DOCK8: variants seen among roughly 807,000 people sequenced by gnomAD.
DOCK8 encodes the protein dedicator of cytokinesis 8, also known as dedicator of cytokinesis protein 8.
A neutral mutation model predicts 245.6 loss-of-function variants in DOCK8; 141 were observed. The ratio of observed to expected loss-of-function variants is 0.57; its 90% confidence interval spans 0.50 to 0.66. The LOEUF (loss-of-function observed/expected upper bound fraction) is 0.66, where lower values mean the gene tolerates loss of function less well. Ranked by LOEUF, DOCK8 falls within the 30% of genes least tolerant of loss-of-function variation. The pLI, the probability that DOCK8 is intolerant of heterozygous loss-of-function variation, is 0.00. For missense variants in DOCK8, 2,965 were observed against 2,603.4 expected (o/e 1.14, Z -3.02); for synonymous variants, 1,168 against 970.2 (o/e 1.20, Z -3.79).
chr9:441,464 G>C, intron 41 of DOCK8, 47 bp downstream of exon 41: 1 of 1,613,108 alleles, frequency 6.2e-7, no homozygotes, highest in Non-Finnish European at 8.5e-7. Context: ...GGTGGCAGGC[G>C]ACCCTGTCCT....
Position 403,948 on chromosome 9 carries a change from A to C in DOCK8, c.3235-970A>C, listed in dbSNP as rs1268904308. On this transcript the variant is annotated intron_variant, in intron 26 of 47. Transcript: ENST00000432829. ...TATATATGTGTATATATATATGTGT[A>C]TATATATATATGTATATATATATAT... Among the ~76,000 whole-genome samples, 121 of 70,370 alleles carry C rather than the reference A, an allele frequency of 1.7e-3. 3 individuals carry two copies. The highest frequency in any genetic ancestry group is 2.2e-3 in the Admixed American group (15 of 6,770). 46.2% of individuals were successfully genotyped at this position (70,370 alleles called of 152,430 possible).
At chr9:373,298 A>G (rs1289945693) in intron 18 of DOCK8, among the ~76,000 whole-genome samples, 1 of 152,234 alleles carries the variant, frequency 6.6e-6, no homozygotes, top group African/African-American at 2.4e-5. Context: ...ATTTTGAAGT[A>G]AATCTCGGAC....
chr9:461,325 A>G (rs996971282), intron 46 of DOCK8, among the ~76,000 whole-genome samples: 2 of 151,998 alleles, frequency 1.3e-5, no homozygotes, highest in Non-Finnish European at 2.9e-5. Context: ...CTCATTTTCC[A>G]TTCCCTTGGA....
At position 340,323 on chromosome 9, in the gene DOCK8, T is replaced by TAAGA; in HGVS notation, c.1679+5_1679+8dup. 1 of 1,614,036 alleles carries TAAGA rather than the reference T, an allele frequency of 6.2e-7. No homozygotes were observed. The highest frequency in any genetic ancestry group is 8.5e-7 in the Non-Finnish European group (1 of 1,179,956). On this transcript the variant is annotated splice_region_variant and intron_variant, in intron 14 of 47. Transcript: ENST00000432829. ...ATATGTCCCTCACACTGTGTACAGG[T>TAAGA]AAGAAACACAGGCTCGGGCTGGGCG...
In DOCK8 at chr9:417,976, T is replaced by G. The variant is rs529175035; in HGVS notation, c.3701-92T>G. ...AGGTTTGAAATTACTGTGCTGACTT[T>G]AGTGACTGAGAAGTATCAGTCTCTT... On this transcript the variant is annotated intron_variant, in intron 29 of 47. Transcript: ENST00000432829. 7 of 1,538,398 alleles carry G rather than the reference T, an allele frequency of 4.6e-6. No individual in the cohort carries two copies. In the African/African-American group the frequency reaches 8.2e-5, roughly 18 times the overall value.
intron 1 of DOCK8, among the ~76,000 whole-genome samples, chr9:219,626 G>C (rs1002172299): frequency 1.2e-4 from 19 of 152,108 alleles, no homozygotes; most frequent in Admixed American, 1.2e-3. Flanking sequence ...GCTGGGCATG[G>C]TGGCTCACAC....
Position 317,107 on chromosome 9 carries a change from T to C in DOCK8, c.806T>C (p.Leu269Ser), listed in dbSNP as rs1458160141. Residue 269 changes from leucine (L) to serine (S), a missense_variant, in exon 7 of 48, where the codon TTG becomes TCG. By Grantham distance (145) the Leu-to-Ser change is moderately radical. Coordinates refer to ENST00000432829, the MANE Select transcript of DOCK8 (RefSeq NM_203447.4). ...CPKEHLGNRI[L>S]VKLLTLKFEI... ...AAGGAACACCTGGGCAACAGAATAT[T>C]GGTCAAGTTGCTGACCTTGAAGTAA... is the stretch of plus-strand genomic sequence containing the variant. 1.2e-6 allele frequency: 2 copies of C among 1,613,808 alleles called. No homozygotes were observed. The highest frequency in any genetic ancestry group is 8.5e-7 in the Non-Finnish European group (1 of 1,179,808).
chr9:305,119 T>C (rs541242032), intron 5 of DOCK8, among the ~76,000 whole-genome samples: 36 of 152,308 alleles, frequency 2.4e-4, no homozygotes, highest in African/African-American at 7.7e-4. Context: ...ATTAAACTTA[T>C]TGGGCTTCAG....
chr9:280,303 T>C (rs2048523251), intron 2 of DOCK8, among the ~76,000 whole-genome samples: 1 of 152,204 alleles, frequency 6.6e-6, no homozygotes. Flanking sequence ...TGAAAATTGC[T>C]TGAGGGAAGT....
At chr9:295,846 C>T (rs2049239464) in intron 4 of DOCK8, among the ~76,000 whole-genome samples, 1 of 152,130 alleles carries the variant, frequency 6.6e-6, no homozygotes, top group African/African-American at 2.4e-5. Flanking sequence ...CATCATTCTA[C>T]AGGGCATTTG....
intron 24 of DOCK8, among the ~76,000 whole-genome samples, chr9:394,466 C>T (rs1046919831): frequency 1.3e-5 from 2 of 152,222 alleles, no homozygotes; most frequent in African/African-American, 4.8e-5. Flanking sequence ...AGAAAGACAA[C>T]AGCTTCCTTG....
chr9:458,851 G>A (rs1453112543), intron 46 of DOCK8, among the ~76,000 whole-genome samples: 1 of 151,966 alleles, frequency 6.6e-6, no homozygotes, highest in African/African-American at 2.4e-5. Flanking sequence ...GGGGGGTGAG[G>A]GCAGCATGAC....
intron 3 of DOCK8, among the ~76,000 whole-genome samples, chr9:288,732 G>C (rs1040815344): frequency 1.3e-5 from 2 of 152,178 alleles, no homozygotes; most frequent in African/African-American, 4.8e-5. Flanking sequence ...TGGTCACATA[G>C]CTATAAGCGA....
In DOCK8 at chr9:266,782, G is replaced by T. The variant is rs540054087; in HGVS notation, c.54-4845G>T. 2.3e-3 allele frequency among the ~76,000 whole-genome samples: 356 copies of T among 152,242 alleles called. 1 individual carries two copies. Among genetic ancestry groups the T allele is most frequent in the Non-Finnish European group, 2.9e-3 (198 of 68,012 alleles). On this transcript the variant is annotated intron_variant, in intron 1 of 47. Coordinates refer to ENST00000432829, the MANE Select transcript of DOCK8 (RefSeq NM_203447.4). Reference sequence around the variant, plus strand: ...TAAATAAATCCCAAGGCTCCCTTCCGGGAGAATAAAGAGGATAATATTTAT... The same window carrying T: ...TAAATAAATCCCAAGGCTCCCTTCCTGGAGAATAAAGAGGATAATATTTAT...
intron 28 of DOCK8, among the ~76,000 whole-genome samples, chr9:410,770 G>T (rs971606723): frequency 1.3e-5 from 2 of 152,220 alleles, no homozygotes; most frequent in South Asian, 2.1e-4. Context: ...ACGGAAATCC[G>T]CAAGATGAAA....
intron 25 of DOCK8, 87 bp downstream of exon 25, chr9:397,021 A>G: frequency 7.2e-7 from 1 of 1,398,304 alleles, no homozygotes; most frequent in Non-Finnish European, 1.0e-6. Context: ...GCATCATTTT[A>G]AAACAATAAT....
intron 22 of DOCK8, among the ~76,000 whole-genome samples, chr9:386,115 C>A (rs573989558): frequency 6.6e-6 from 1 of 152,324 alleles, no homozygotes; most frequent in African/African-American, 2.4e-5. Flanking sequence ...TTGCTACACA[C>A]AAACTATTAA....
chr9:285,520 A>G (rs1251889862), intron 2 of DOCK8, among the ~76,000 whole-genome samples: 1 of 152,080 alleles, frequency 6.6e-6, no homozygotes, highest in Non-Finnish European at 1.5e-5. Context: ...ATAAATGAAC[A>G]CTTCATAGAG....
intron 1 of DOCK8, among the ~76,000 whole-genome samples, chr9:269,044 C>T (rs1374023923): frequency 1.3e-5 from 2 of 152,336 alleles, no homozygotes; most frequent in South Asian, 2.1e-4. Context: ...AATATTTACA[C>T]GTACACCTAT....
Sources: gnomAD v4.1 joint callset for allele counts (sites outside exome capture counted in the v4.1 genomes callset) on GRCh38, gnomAD v4.1.1 for gene constraint, MANE v1.5 for transcripts, NCBI Gene and HGNC (gene_info 2026-07-23, HGNC 2026-07-21) for gene names.